Variants in FAM135A observed in about 807,000 individuals in gnomAD.
FAM135A encodes family with sequence similarity 135 member A.
In FAM135A, 79 loss-of-function variants were observed where a neutral mutation model predicts 146.8. That is an observed-to-expected ratio of 0.54 (90% CI 0.45 to 0.65). The LOEUF is 0.65. FAM135A is among the 30% of genes least tolerant of loss of function. The pLI is 0.00. For missense variants in FAM135A, 1,623 were observed against 1,758.2 expected, an observed-to-expected ratio of 0.92 and a Z score of 1.38; for synonymous variants, 562 against 603.6, an observed-to-expected ratio of 0.93 and a Z score of 1.01.
At chr6:70,452,741 C>A (rs919937581) in intron 5 of FAM135A, among the ~76,000 whole-genome samples, 170 bp downstream of exon 5, 1 of 152,068 alleles carries the variant, frequency 6.6e-6, no homozygotes, top group African/African-American at 2.4e-5. Flanking sequence ...ATTACAGATA[C>A]TCTGTCTCCT....
chr6:70,553,670 A>C (rs950940512), intron 20 of FAM135A, among the ~76,000 whole-genome samples: 4 of 151,632 alleles, frequency 2.6e-5, no homozygotes, highest in Non-Finnish European at 5.9e-5. Context: ...GAAATTTTCT[A>C]AACGTTACAA....
chr6:70,487,447 A>G (rs545173745), intron 10 of FAM135A, among the ~76,000 whole-genome samples: 1 of 152,180 alleles, frequency 6.6e-6, no homozygotes, highest in African/African-American at 2.4e-5. Context: ...AAAAAGTGAA[A>G]TAAAATAAGT....
chr6:70,416,353 C>T lies in FAM135A; in HGVS notation c.-134+977C>T, dbSNP rs533742849. Among the ~76,000 whole-genome samples, 13 of 152,282 alleles carry T rather than the reference C, an allele frequency of 8.5e-5. No individual in the cohort carries two copies. The South Asian group carries it at 2.5e-3, about 29-fold the overall frequency. The stretch of plus-strand genomic sequence containing the variant: ...GGAAATGTAAGAGTTACACCTATAT[C>T]TTTAGTTAATCCTTAATTTTCTGTT... On this transcript the variant is annotated intron_variant, in intron 2 of 21. Coordinates refer to ENST00000418814, the MANE Select transcript of FAM135A (RefSeq NM_001162529.3).
intron 18 of FAM135A, 55 bp downstream of exon 18, chr6:70,533,909 A>G (rs1796296901): frequency 2.1e-6 from 2 of 937,202 alleles, no homozygotes. Flanking sequence ...ATTGTATAAA[A>G]GTTAAACAGA....
Position 70,475,387 on chromosome 6 carries a change from A to G in FAM135A, c.158-23A>G, listed in dbSNP as rs201964630. On this transcript the variant is annotated intron_variant, in intron 5 of 21. Transcript: ENST00000418814. ...TGTTATATTTTACTTTTATCTGTCA[A>G]TTACATATCTTATCTGTTTTAGGTA... 466 of 1,534,270 alleles carry G rather than the reference A, an allele frequency of 3.0e-4. 5 individuals carry two copies. The South Asian group carries it at 4.8e-3, about 16-fold the overall frequency.
chr6:70,525,383 T>A lies in FAM135A; in HGVS notation c.2299T>A (p.Phe767Ile). The A allele has an allele frequency of 6.2e-7, 1 of 1,613,752 alleles. No homozygotes were observed. Among genetic ancestry groups the A allele is most frequent in the Non-Finnish European group, 8.5e-7 (1 of 1,179,700 alleles). ...DISATYASSR[F>I]SDSGVESEPS... ...TAGTGCCACATATGCCTCATCTAGA[T>A]TTTCAGATTCAGGTGTTGAAAGTGA... Residue 767 changes from phenylalanine (F) to isoleucine (I), a missense_variant, in exon 15 of 22, where the codon TTT becomes ATT. This residue lies in a region of FAM135A where 1,061 missense variants were observed against 1,113.8 expected (regional missense o/e 0.95). Transcript: ENST00000418814.
chr6:70,468,363 A>G (rs1780877197), intron 5 of FAM135A, among the ~76,000 whole-genome samples: 1 of 152,174 alleles, frequency 6.6e-6, no homozygotes, highest in Non-Finnish European at 1.5e-5. Flanking sequence ...GGACAGTGCA[A>G]AAGTTACATA....
intron 5 of FAM135A, among the ~76,000 whole-genome samples, chr6:70,466,667 AC>A (rs1239627986): frequency 6.6e-6 from 1 of 152,238 alleles, no homozygotes; most frequent in African/African-American, 2.4e-5. Context: ...TATGGAACAG[AC>A]TGATTTGCAT....
chr6:70,443,328 C>T (rs982484253), intron 4 of FAM135A, among the ~76,000 whole-genome samples: 1 of 152,162 alleles, frequency 6.6e-6, no homozygotes, highest in Non-Finnish European at 1.5e-5. Flanking sequence ...CTTTGGTAAC[C>T]TCCTAGTGCA....
intron 8 of FAM135A, among the ~76,000 whole-genome samples, chr6:70,479,966 C>T (rs994692132): frequency 6.6e-6 from 1 of 152,094 alleles, no homozygotes; most frequent in African/African-American, 2.4e-5. Context: ...CCCTTCTTTG[C>T]TGGGATATAG....
At chr6:70,542,777 T>C (rs548480101) in intron 20 of FAM135A, among the ~76,000 whole-genome samples, 16 of 152,314 alleles carry the variant, frequency 1.1e-4, no homozygotes, top group Non-Finnish European at 1.3e-4. Flanking sequence ...TGTCTAAAAC[T>C]GTATGTCTTC....
At chr6:70,418,160 A>G (rs531781674) in intron 2 of FAM135A, among the ~76,000 whole-genome samples, 16 of 152,262 alleles carry the variant, frequency 1.1e-4, no homozygotes, top group African/African-American at 3.4e-4. Context: ...TAGTGTAATG[A>G]TTCTACTAAG....
At position 70,560,727 on chromosome 6, in the gene FAM135A, A is replaced by G. The variant is rs977778895; in HGVS notation, c.*806A>G. 1 of 152,484 alleles carries G rather than the reference A, an allele frequency of 6.6e-6. No homozygotes were observed. 9.4% of individuals were successfully genotyped at this position (152,484 alleles called of 1,614,324 possible). A position where few individuals can be genotyped will look rare whatever the true frequency, so the allele number is the denominator to read the frequency against. Reference sequence around the variant, plus strand: ...ACTACATTTTCTTTTAACTTTTTTCATGGACTTCCTTATATGTACATAATA... The same window carrying G: ...ACTACATTTTCTTTTAACTTTTTTCGTGGACTTCCTTATATGTACATAATA... On this transcript the variant is annotated 3_prime_UTR_variant, in exon 22 of 22. Transcript: ENST00000418814.
chr6:70,503,119 G>C, intron 12 of FAM135A: 1 of 164,080 alleles, frequency 6.1e-6, no homozygotes, highest in South Asian at 1.8e-4. Context: ...TCAGGAACTA[G>C]AGAGCTGTCT....
At chr6:70,520,753 T>A (rs1235778187) in intron 12 of FAM135A, among the ~76,000 whole-genome samples, 1 of 152,202 alleles carries the variant, frequency 6.6e-6, no homozygotes, top group Non-Finnish European at 1.5e-5. Flanking sequence ...TGCCTGAAAA[T>A]TAGCTGTATT....
At chr6:70,423,224 A>G (rs1377544058) in intron 2 of FAM135A, among the ~76,000 whole-genome samples, 1 of 152,226 alleles carries the variant, frequency 6.6e-6, no homozygotes, top group Non-Finnish European at 1.5e-5. Flanking sequence ...AGATGAAGTC[A>G]GAGAAGATTC....
Position 70,521,474 on chromosome 6 carries a change from T to C in FAM135A, c.1030-1039T>C, listed in dbSNP as rs574507251. On this transcript the variant is annotated intron_variant, in intron 12 of 21. Coordinates refer to ENST00000418814, the MANE Select transcript of FAM135A (RefSeq NM_001162529.3). ...ACAGAATGCATCCTTCTCATTGATA[T>C]CTTCTTTTCCCACTTCCCTCATTGA... Among the ~76,000 whole-genome samples the C allele has an allele frequency of 3.3e-5, 5 of 152,216 alleles. No individual in the cohort carries two copies. In the South Asian group the frequency reaches 6.2e-4, roughly 19 times the overall value.
intron 11 of FAM135A, among the ~76,000 whole-genome samples, chr6:70,501,590 G>GT (rs1788548833): frequency 6.6e-6 from 1 of 152,198 alleles, no homozygotes; most frequent in Non-Finnish European, 1.5e-5. Context: ...CAGCTGCCCA[G>GT]TTTTGTGCTT....
intron 20 of FAM135A, among the ~76,000 whole-genome samples, chr6:70,539,785 G>A (rs1797506824): frequency 2.6e-5 from 4 of 152,064 alleles, no homozygotes; most frequent in Admixed American, 6.5e-5. Flanking sequence ...CACGAGGTCA[G>A]GAGATCGAGA....
Sources: gnomAD v4.1 joint callset for allele counts (sites outside exome capture counted in the v4.1 genomes callset) on GRCh38, gnomAD v4.1.1 for gene constraint, gnomAD v4.1.1 regional missense constraint, MANE v1.5 for transcripts, NCBI Gene and HGNC (gene_info 2026-07-23, HGNC 2026-07-21) for gene names.